ZNF407: variants seen among roughly 807,000 people sequenced by gnomAD.
ZNF407 encodes zinc finger protein 407.
ZNF407 carries 17 observed loss-of-function variants against 131.2 expected under a neutral mutation model. The observed-to-expected ratio is 0.13, with a 90% CI of 0.09 to 0.19. The LOEUF is 0.19. Among genes scored for constraint, ZNF407 ranks in the 10% least tolerant of loss-of-function variants. ZNF407 has a pLI of 1.00. For missense variants in ZNF407, 2,681 were observed against 2,830.6 expected, an observed-to-expected ratio of 0.95 and a Z score of 1.20; for synonymous variants, 1,156 against 1,062.0, an observed-to-expected ratio of 1.09 and a Z score of -1.72.
chr18:74,771,325 T>C (rs1293428135), intron 3 of ZNF407, among the ~76,000 whole-genome samples: 1 of 152,160 alleles, frequency 6.6e-6, no homozygotes, highest in African/African-American at 2.4e-5. Flanking sequence ...TTTCCCCCTT[T>C]GTTTGTAAGG....
chr18:75,031,718 G>A (rs748433593), intron 8 of ZNF407, among the ~76,000 whole-genome samples: 6 of 152,102 alleles, frequency 3.9e-5, no homozygotes, highest in Non-Finnish European at 7.4e-5. Flanking sequence ...TTTTCAAGTC[G>A]TAACTTCTTA....
intron 4 of ZNF407, among the ~76,000 whole-genome samples, chr18:74,825,778 A>G (rs962966323): frequency 6.6e-6 from 1 of 152,196 alleles, no homozygotes; most frequent in African/African-American, 2.4e-5. Context: ...ATTAGCTAAC[A>G]ATCTAATTTT....
At chr18:74,933,360 G>A (rs756956461) in intron 8 of ZNF407, among the ~76,000 whole-genome samples, 5 of 152,094 alleles carry the variant, frequency 3.3e-5, no homozygotes, top group Non-Finnish European at 7.4e-5. Flanking sequence ...TAGAGTAGTC[G>A]AAGTCAAAGA....
intron 3 of ZNF407, among the ~76,000 whole-genome samples, chr18:74,770,615 T>A (rs1212626939): frequency 6.6e-6 from 1 of 152,204 alleles, no homozygotes; most frequent in Non-Finnish European, 1.5e-5. Context: ...TTAGAATAGT[T>A]AAATCTTCAT....
intron 6 of ZNF407, among the ~76,000 whole-genome samples, chr18:74,881,672 A>G (rs1477701583): frequency 2.0e-5 from 3 of 152,140 alleles, no homozygotes; most frequent in Non-Finnish European, 4.4e-5. Flanking sequence ...TGTTCTTGGT[A>G]TTAAAAATAG....
chr18:74,657,350 T>A (rs1286015990), intron 3 of ZNF407, among the ~76,000 whole-genome samples: 1 of 152,226 alleles, frequency 6.6e-6, no homozygotes, highest in Non-Finnish European at 1.5e-5. Context: ...ACTGCTGAAT[T>A]TTCTGACTCA....
At chr18:75,031,973 CT>C (rs1973245534) in intron 8 of ZNF407, among the ~76,000 whole-genome samples, 2 of 152,166 alleles carry the variant, frequency 1.3e-5, no homozygotes, top group South Asian at 4.1e-4. Context: ...GCTAAGCAAG[CT>C]CTAAGATATT....
chr18:74,973,418 G>T (rs190432549), intron 8 of ZNF407, among the ~76,000 whole-genome samples: 47 of 152,272 alleles, frequency 3.1e-4, no homozygotes, highest in African/African-American at 1.0e-3. Context: ...CCAGTAACAG[G>T]TTTTCTAGTG....
intron 4 of ZNF407, among the ~76,000 whole-genome samples, chr18:74,816,349 A>G (rs1025913570): frequency 6.6e-6 from 1 of 152,214 alleles, no homozygotes; most frequent in South Asian, 2.1e-4. Flanking sequence ...TATTTGTGGA[A>G]ATAAAAATCA....
chr18:75,036,039 C>G (rs1044931250), intron 8 of ZNF407, among the ~76,000 whole-genome samples: 6 of 152,174 alleles, frequency 3.9e-5, no homozygotes, highest in African/African-American at 1.2e-4. Context: ...TCTGCTGGTG[C>G]CAAAAATAAC....
intron 1 of ZNF407, among the ~76,000 whole-genome samples, chr18:74,625,240 T>G (rs1983736125): frequency 6.6e-6 from 1 of 152,222 alleles, no homozygotes; most frequent in African/African-American, 2.4e-5. Context: ...ATTTAGAAGA[T>G]TAAGGCTCTC....
intron 8 of ZNF407, among the ~76,000 whole-genome samples, chr18:75,052,492 C>G: frequency 6.6e-6 from 1 of 152,156 alleles, no homozygotes; most frequent in Non-Finnish European, 1.5e-5. Flanking sequence ...AGATCCTCCA[C>G]CAGTGTCAGG....
intron 4 of ZNF407, among the ~76,000 whole-genome samples, chr18:74,833,602 G>A (rs1018186790): frequency 6.6e-6 from 1 of 152,220 alleles, no homozygotes; most frequent in African/African-American, 2.4e-5. Context: ...CAGCGCGAGG[G>A]GGACAGGAAG....
intron 8 of ZNF407, among the ~76,000 whole-genome samples, chr18:74,971,468 A>G (rs1383223749): frequency 1.3e-5 from 2 of 152,208 alleles, no homozygotes. Flanking sequence ...CTTCTGCCAG[A>G]TACCCTAAAT....
At chr18:74,610,652 C>T (rs941884996) in intron 1 of ZNF407, among the ~76,000 whole-genome samples, 1 of 152,132 alleles carries the variant, frequency 6.6e-6, no homozygotes, top group African/African-American at 2.4e-5. Context: ...CTGGCCCAAA[C>T]AATTCTGCTG....
At chr18:74,608,795 A>G (rs1367398354) in intron 1 of ZNF407, among the ~76,000 whole-genome samples, 1 of 152,230 alleles carries the variant, frequency 6.6e-6, no homozygotes, top group East Asian at 1.9e-4. Flanking sequence ...GAATACTAGC[A>G]CAGGGGTGAA....
chr18:74,955,059 A>G (rs1019332747), intron 8 of ZNF407, among the ~76,000 whole-genome samples: 1 of 152,150 alleles, frequency 6.6e-6, no homozygotes, highest in African/African-American at 2.4e-5. Context: ...CTAAGTGTGG[A>G]TCTCATGAAG....
intron 4 of ZNF407, among the ~76,000 whole-genome samples, chr18:74,801,814 G>A (rs1311388117): frequency 6.6e-6 from 1 of 152,192 alleles, no homozygotes; most frequent in Non-Finnish European, 1.5e-5. Flanking sequence ...GCTACTCACT[G>A]TGAACATGAC....
rs1172459543 is a variant in ZNF407, at chr18:75,048,291, T to C, written c.5429-14859T>C. Among the ~76,000 whole-genome samples the C allele has an allele frequency of 6.6e-6, 1 of 152,250 alleles. No individual in the cohort carries two copies. The highest frequency in any genetic ancestry group is 2.4e-5 in the African/African-American group (1 of 41,466). On this transcript the variant is annotated intron_variant, in intron 8 of 8. Coordinates refer to ENST00000299687, the MANE Select transcript of ZNF407 (RefSeq NM_017757.3). The surrounding 1 kb of genome is among the most constrained non-coding windows in gnomAD (Gnocchi z 4.1). ...TTATGCGTCAGAGGCCTAATTTTTG[T>C]CTACATGGTATTTCTTTTTGGCATT...
Sources: gnomAD v4.1 joint callset for allele counts (sites outside exome capture counted in the v4.1 genomes callset) on GRCh38, gnomAD v4.1.1 for gene constraint, Gnocchi (gnomAD v3.1) non-coding constraint, MANE v1.5 for transcripts, NCBI Gene and HGNC (gene_info 2026-07-23, HGNC 2026-07-21) for gene names.